DNAH1: variants seen among roughly 807,000 people sequenced by gnomAD.
DNAH1 encodes axonemal beta dynein heavy chain 1.
DNAH1 carries 327 observed loss-of-function variants against 484.3 expected under a neutral mutation model. The ratio of observed to expected loss-of-function variants is 0.68; its 90% CI spans 0.62 to 0.74. DNAH1 has a LOEUF of 0.74. Ranked by LOEUF, DNAH1 falls within the 30% of genes least tolerant of loss-of-function variation. DNAH1 has a pLI of 0.00. For synonymous variants in DNAH1, 2,192 were observed against 2,191.9 expected (o/e 1.00, Z 0.00); for missense variants, 5,052 against 5,546.8 (o/e 0.91, Z 2.83).
At chr3:52,356,823 C>T (rs972776412) in intron 22 of DNAH1, 45 bp downstream of exon 22, 3 of 1,556,046 alleles carry the variant, frequency 1.9e-6, no homozygotes, top group Middle Eastern at 1.7e-4. Context: ...TCCCCAAGGG[C>T]CCTGGTCACA....
chr3:52,336,150 A>G (rs981768633), intron 8 of DNAH1, among the ~76,000 whole-genome samples: 3 of 152,170 alleles, frequency 2.0e-5, no homozygotes, highest in South Asian at 2.1e-4. Flanking sequence ...TTTTGTTGCA[A>G]TTGCTTTTGA....
rs201646032 is a variant in DNAH1 at position 52,396,994 on chromosome 3, T to G, written c.11737T>G (p.Tyr3913Asp). Residue 3913 changes from tyrosine to aspartate, a missense_variant, in exon 73 of 78, where the codon TAC becomes GAC. Coordinates refer to ENST00000420323, the MANE Select transcript of DNAH1 (RefSeq NM_015512.5). ...NPDVLSPEHS[Y>D]SASGIYHQIP... ...TGACGTGCTCTCCCCTGAGCACAGCTACAGCGCCTCGGGCATCTACCACCA... is the reference window on the plus strand; with the variant it reads ...TGACGTGCTCTCCCCTGAGCACAGCGACAGCGCCTCGGGCATCTACCACCA... 3 of 1,612,314 alleles carry G rather than the reference T, an allele frequency of 1.9e-6. No homozygotes were observed. In the South Asian group the frequency reaches 3.3e-5, roughly 18 times the overall value.
intron 53 of DNAH1, 107 bp from the exon 54 acceptor site, chr3:52,385,230 A>T: frequency 3.3e-6 from 4 of 1,218,966 alleles, no homozygotes; most frequent in Non-Finnish European, 4.6e-6. Flanking sequence ...GGGGCCACCG[A>T]AGCTGCCGGC....
rs559145297 is a variant in DNAH1 at position 52,392,900 on chromosome 3, C to T, written c.10349C>T (p.Ala3450Val). The change falls in exon 65 of 78, where the codon GCC becomes GTC. Residue 3450 changes from alanine to valine, a missense_variant. Around this residue, in one of 4 missense-constraint regions of DNAH1, gnomAD observed 2,929 missense variants for 3,409.4 expected, o/e 0.86. Transcript: ENST00000420323. ...DLTRMEYIPV[A>V]IRTQILFFCV... is the part of the protein sequence containing the mutation. ...ACGCGCATGGAGTACATACCCGTGG[C>T]CATCCGCACCCAGATCCTCTTCTTC... 1.9e-6 allele frequency: 3 copies of T among 1,612,710 alleles called. No homozygotes were observed. Among genetic ancestry groups the T allele is most frequent in the African/African-American group, 1.3e-5 (1 of 74,504 alleles).
At chr3:52,386,375 C>A (rs1384328742) in intron 55 of DNAH1, 30 bp downstream of exon 55, 2 of 1,532,796 alleles carry the variant, frequency 1.3e-6, no homozygotes, top group South Asian at 2.5e-5. Context: ...CTGGCATTCC[C>A]TCTCATATGC....
intron 27 of DNAH1, 48 bp from the exon 28 acceptor site, chr3:52,360,263 A>C (rs1451390537): frequency 6.4e-7 from 1 of 1,561,214 alleles, no homozygotes; most frequent in Non-Finnish European, 8.8e-7. Context: ...TACCCTGCCC[A>C]GTGGCCCATT....
intron 8 of DNAH1, among the ~76,000 whole-genome samples, chr3:52,341,424 G>A (rs1701935889): frequency 6.6e-6 from 1 of 151,856 alleles, no homozygotes; most frequent in African/African-American, 2.4e-5. Flanking sequence ...GTAAAATATG[G>A]TTTTAGAAGT....
chr3:52,372,115 C>T (rs376037169), intron 42 of DNAH1, 29 bp downstream of exon 42: 25 of 1,611,890 alleles, frequency 1.6e-5, no homozygotes, highest in African/African-American at 2.7e-5. Context: ...CCTGCCTCCA[C>T]TGTCCCCAAG....
chr3:52,351,956 G>C lies in DNAH1; in HGVS notation c.2730-6G>C, dbSNP rs779985508. The C allele has an allele frequency of 6.3e-6, 10 of 1,599,136 alleles. No individual in the cohort carries two copies. The highest frequency in any genetic ancestry group is 6.8e-6 in the Non-Finnish European group (8 of 1,173,280). ...TTCTCCCAATCCCCACCCCCATCCC[G>C]GCCAGATGGATTGCCAGCAACTGGC... On this transcript the variant is annotated splice_polypyrimidine_tract_variant and splice_region_variant and intron_variant, in intron 16 of 77. Coordinates refer to ENST00000420323, the MANE Select transcript of DNAH1 (RefSeq NM_015512.5).
upstream of DNAH1, chr3:52,316,206 A>AGG (rs1167157111): frequency 6.6e-6 from 1 of 152,230 alleles, no homozygotes; most frequent in Non-Finnish European, 1.5e-5. Flanking sequence ...ATCCCACCAT[A>AGG]GGCTGATGTT....
Position 52,353,799 on chromosome 3 carries a change from T to C in DNAH1, c.3480+166T>C, listed in dbSNP as rs1702498497. 3.3e-6 allele frequency: 3 copies of C among 912,272 alleles called. No homozygotes were observed. The highest frequency in any genetic ancestry group is 4.8e-6 in the Non-Finnish European group (3 of 618,628). 56.5% of individuals were successfully genotyped at this position (912,272 alleles called of 1,614,324 possible). A position where few individuals can be genotyped will look rare whatever the true frequency, so the allele number is the denominator to read the frequency against. On this transcript the variant is annotated intron_variant, in intron 20 of 77. Coordinates refer to ENST00000420323, the MANE Select transcript of DNAH1 (RefSeq NM_015512.5). The surrounding 1 kb of genome is among the most constrained non-coding windows in gnomAD (Gnocchi z 5.0). ...TGCATTCTATTAAGTGAGTTAATAA[T>C]GCACATAAAATTCTTGACAGTGTCC... is the stretch of plus-strand genomic sequence containing the variant.
At chr3:52,316,141 A>T (rs1253065505), upstream of DNAH1, among the ~76,000 whole-genome samples, 1 of 152,142 alleles carries the variant, frequency 6.6e-6, no homozygotes, top group Non-Finnish European at 1.5e-5. Context: ...TCACCAGCCC[A>T]CTGTGTTGCT....
In DNAH1 at chr3:52,398,089, C is replaced by G. The variant is rs1158453100; in HGVS notation, c.12016C>G (p.Gln4006Glu). 10 of 1,613,922 alleles carry G rather than the reference C, an allele frequency of 6.2e-6. No individual in the cohort carries two copies. The highest frequency in any genetic ancestry group is 7.6e-6 in the Non-Finnish European group (9 of 1,179,882). ...CAAGGTGCCTGAGCCTATCAACTTGCAATGGGTGATGGCCAAGTACCCAGT... is the reference window on the plus strand; with the variant it reads ...CAAGGTGCCTGAGCCTATCAACTTGGAATGGGTGATGGCCAAGTACCCAGT... ...LLKVPEPINL[Q>E]WVMAKYPVLY... The change falls in exon 75 of 78, where the codon CAA becomes GAA. Residue 4006 changes from glutamine to glutamate, a missense_variant. This residue lies in a region of DNAH1 where 853 missense variants were observed against 899.0 expected (regional missense o/e 0.95). Transcript: ENST00000420323.
chr3:52,391,209 T>C lies in DNAH1; in HGVS notation c.9772T>C (p.Leu3258=), dbSNP rs780319566. ...GGACAATGGGCTGGATGTGTTCAAG[T>C]TGAGTGACCGCGACTTCCTGCGCAG... ...EKDNGLDVFK[L]SDRDFLRSME... is the part of the protein sequence containing the mutation. Residue 3258 remains leucine (L), a synonymous_variant, in exon 62 of 78, where the codon TTG becomes CTG. Transcript: ENST00000420323. The C allele has an allele frequency of 6.2e-7, 1 of 1,613,966 alleles. No individual in the cohort carries two copies. Among genetic ancestry groups the C allele is most frequent in the South Asian group, 1.1e-5 (1 of 91,064 alleles).
intron 2 of DNAH1, 75 bp from the exon 3 acceptor site, chr3:52,323,733 G>A: frequency 7.9e-7 from 1 of 1,273,114 alleles, no homozygotes; most frequent in Non-Finnish European, 1.1e-6. Flanking sequence ...AGGCGCCTGG[G>A]CTCGGGGTCC....
intron 37 of DNAH1, among the ~76,000 whole-genome samples, chr3:52,369,607 A>C (rs1004116901): frequency 1.3e-5 from 2 of 152,058 alleles, no homozygotes; most frequent in African/African-American, 4.8e-5. Context: ...GAACCTCAGG[A>C]ATCTCCTGAC....
Position 52,356,644 on chromosome 3 carries a change from C to A in DNAH1, c.3724C>A (p.Arg1242=), listed in dbSNP as rs774434401. ...EVLEEWLNCQ[R]SWLYLEPIFS... is the part of the protein sequence containing the mutation. ...TCTGGAGGAGTGGCTGAACTGTCAGCGGTCCTGGCTCTACCTGGAGCCCAT... is the reference window on the plus strand; with the variant it reads ...TCTGGAGGAGTGGCTGAACTGTCAGAGGTCCTGGCTCTACCTGGAGCCCAT... The change falls in exon 22 of 78, where the codon CGG becomes AGG. Residue 1242 remains arginine, a synonymous_variant. Coordinates refer to ENST00000420323, the MANE Select transcript of DNAH1 (RefSeq NM_015512.5). The A allele has an allele frequency of 2.5e-6, 4 of 1,613,566 alleles. No homozygotes were observed.
At chr3:52,399,434 G>A in intron 76 of DNAH1, 111 bp from the exon 77 acceptor site, 2 of 1,056,532 alleles carry the variant, frequency 1.9e-6, no homozygotes, top group East Asian at 5.1e-5. Flanking sequence ...GGTACGTGAT[G>A]ATGGGCAGGC....
chr3:52,349,431 A>G lies in DNAH1; in HGVS notation c.2526+11A>G. The G allele has an allele frequency of 6.3e-7, 1 of 1,590,106 alleles. No individual in the cohort carries two copies. Among genetic ancestry groups the G allele is most frequent in the South Asian group, 1.1e-5 (1 of 89,660 alleles). ...AAGGAGGTGGATAGCGTAAGTGCCC[A>G]CCTGCCCCGCCTCAGTGACCACAGC... On this transcript the variant is annotated intron_variant, in intron 14 of 77. Transcript: ENST00000420323.
Sources: allele counts gnomAD v4.1 joint callset (sites outside exome capture counted in the v4.1 genomes callset), GRCh38; gene constraint gnomAD v4.1.1; regional missense constraint gnomAD v4.1.1; non-coding constraint Gnocchi (gnomAD v3.1); transcripts MANE v1.5; gene names NCBI Gene and HGNC (gene_info 2026-07-23, HGNC 2026-07-21).